Variants in FYCO1 observed in about 807,000 individuals in gnomAD.
The protein encoded by FYCO1 is FYVE and coiled-coil domain-containing protein 1.
FYCO1 carries 122 observed loss-of-function variants against 165.1 expected under a neutral mutation model. The observed-to-expected ratio is 0.74, with a 90% confidence interval of 0.64 to 0.86. The LOEUF (loss-of-function observed/expected upper bound fraction) is 0.86, where lower values mean the gene tolerates loss of function less well. Ranked by LOEUF, FYCO1 falls within the 40% of genes least tolerant of loss-of-function variation. FYCO1 has a pLI of 0.00. For missense variants in FYCO1, 1,702 were observed against 1,810.3 expected (o/e 0.94, Z 1.09); for synonymous variants, 648 against 742.5 (o/e 0.87, Z 2.07).
rs1705901304 is a variant in FYCO1 at position 45,964,791 on chromosome 3, G to T, written c.3150+242C>A. ...CCCACCCATTTCAGAATCACTGGCT[G>T]GCGATCACCCATAGAGATGGCCAAA... On this transcript the variant is annotated intron_variant, in intron 9 of 17. Coordinates refer to ENST00000296137, the MANE Select transcript of FYCO1 (RefSeq NM_024513.4). This position sits in a 1 kb window ranked among gnomAD's most constrained non-coding sequence, Gnocchi z 4.1. Among the ~76,000 whole-genome samples the T allele has an allele frequency of 6.6e-6, 1 of 152,182 alleles. No homozygotes were observed. Among genetic ancestry groups the T allele is most frequent in the Admixed American group, 6.5e-5 (1 of 15,272 alleles).
intron 12 of FYCO1, 23 bp from the exon 13 acceptor site, chr3:45,958,642 C>A (rs1234318842): frequency 1.2e-6 from 2 of 1,609,868 alleles, no homozygotes. Context: ...CAAGCCCAGG[C>A]TGTGAGGATG....
In FYCO1 at chr3:45,921,734, TG is replaced by T; in HGVS notation, c.*30del. On this transcript the variant is annotated 3_prime_UTR_variant, in exon 18 of 18. Coordinates refer to ENST00000296137, the MANE Select transcript of FYCO1 (RefSeq NM_024513.4). ...AGGTGAGGAAGAGCAGTGTTTCCTGTGGATGAAGTGAAGTTACTGAGGTGCT... is the reference window on the plus strand; with the variant it reads ...AGGTGAGGAAGAGCAGTGTTTCCTGTGATGAAGTGAAGTTACTGAGGTGCT... 7.1e-7 allele frequency: 1 copy of T among 1,404,054 alleles called. No individual in the cohort carries two copies. The highest frequency in any genetic ancestry group is 1.0e-6 in the Non-Finnish European group (1 of 988,038). 87.0% of individuals were successfully genotyped at this position (1,404,054 alleles called of 1,614,324 possible). A position where few individuals can be genotyped will look rare whatever the true frequency, so the allele number is the denominator to read the frequency against.
At chr3:45,963,900 G>A (rs1458561029) in intron 10 of FYCO1, among the ~76,000 whole-genome samples, 1 of 152,222 alleles carries the variant, frequency 6.6e-6, no homozygotes, top group Admixed American at 6.5e-5. Flanking sequence ...ATAAAATGGG[G>A]ATAGATGATA....
At position 45,965,138 on chromosome 3, in the gene FYCO1, A is replaced by T; in HGVS notation, c.3058-13T>A. 6.2e-7 allele frequency: 1 copy of T among 1,606,106 alleles called. No individual in the cohort carries two copies. The highest frequency in any genetic ancestry group is 1.3e-5 in the African/African-American group (1 of 74,932). On this transcript the variant is annotated splice_polypyrimidine_tract_variant and intron_variant, in intron 8 of 17. Coordinates refer to ENST00000296137, the MANE Select transcript of FYCO1 (RefSeq NM_024513.4). ...CTTCACCAGCATTCTAGAGAGGACA[A>T]GAAAGAAAGAGGACATAAAAGTAGG...
chr3:45,979,569 A>C, intron 4 of FYCO1, 136 bp downstream of exon 4: 234 of 1,031,778 alleles, frequency 2.3e-4, no homozygotes, highest in Middle Eastern at 3.2e-4. Context: ...GGCATTGCGT[A>C]TACCTGGACT....
chr3:45,927,029 G>T (rs114215618), intron 16 of FYCO1, among the ~76,000 whole-genome samples: 10 of 151,780 alleles, frequency 6.6e-5, no homozygotes, highest in Admixed American at 2.0e-4. Context: ...AAGTGCACTC[G>T]GCACATTCAC....
chr3:45,933,397 T>C (rs1406188365), intron 15 of FYCO1, among the ~76,000 whole-genome samples: 1 of 152,220 alleles, frequency 6.6e-6, no homozygotes, highest in African/African-American at 2.4e-5. Context: ...TCATTCTCCT[T>C]GCATTTTATT....
At chr3:45,944,927 A>T (rs188957275) in intron 14 of FYCO1, 1 of 152,320 alleles carries the variant, frequency 6.6e-6, no homozygotes. Context: ...GACCTACTTA[A>T]TACAGTGCCC....
intron 15 of FYCO1, among the ~76,000 whole-genome samples, chr3:45,932,316 C>T (rs931055702): frequency 3.9e-5 from 6 of 152,234 alleles, no homozygotes; most frequent in Non-Finnish European, 5.9e-5. Flanking sequence ...TCACTTTGAA[C>T]CTCGGTTTCT....
Position 45,967,449 on chromosome 3 carries a change from C to T in FYCO1, c.1885G>A (p.Val629Ile), listed in dbSNP as rs140700206. Residue 629 changes from valine to isoleucine, a missense_variant, in exon 8 of 18, where the codon GTC (valine) becomes ATC (isoleucine). Physicochemically the swap from Val to Ile is conservative, Grantham distance 29. Transcript: ENST00000296137. ...RELEKELQNV[V>I]GRNQLLEGKL... is the part of the protein sequence containing the mutation. ...CCCTCCAGGAGCTGGTTACGCCCGACCACATTCTGTAGCTCCTTCTCCAGC... is the reference window on the plus strand; with the variant it reads ...CCCTCCAGGAGCTGGTTACGCCCGATCACATTCTGTAGCTCCTTCTCCAGC... 9.3e-6 allele frequency: 15 copies of T among 1,613,506 alleles called. No homozygotes were observed. Among genetic ancestry groups the T allele is most frequent in the Non-Finnish European group, 4.2e-6 (5 of 1,180,022 alleles).
chr3:45,961,327 C>T (rs1705686557), intron 11 of FYCO1, among the ~76,000 whole-genome samples: 1 of 152,174 alleles, frequency 6.6e-6, no homozygotes, highest in Non-Finnish European at 1.5e-5. Context: ...TGCCTGTACT[C>T]CCAGGACTTG....
Position 45,944,114 on chromosome 3 carries a change from C to T in FYCO1, c.3945-7571G>A, listed in dbSNP as rs56336539. 1.9e-3 allele frequency among the ~76,000 whole-genome samples: 292 copies of T among 152,168 alleles called. 2 individuals are homozygous for T. Among genetic ancestry groups the T allele is most frequent in the Middle Eastern group, 0.017 (5 of 294 alleles). ...TTTATCATGAACTCTTATGTGAGGG[C>T]CCACAGAATACATGGCAGAAGGATT... On this transcript the variant is annotated intron_variant, in intron 14 of 17. Transcript: ENST00000296137.
Position 45,993,627 on chromosome 3 carries a change from A to C in FYCO1, c.-113+2095T>G, listed in dbSNP as rs1301263777. 2.0e-5 allele frequency among the ~76,000 whole-genome samples: 3 copies of C among 152,218 alleles called. No homozygotes were observed. The East Asian group carries it at 5.8e-4, about 29-fold the overall frequency. Reference sequence around the variant, plus strand: ...AACATAGCAGTCATGACGTGAGCAGATGTTGCCCTGACCATAATGGACTCA... The same window carrying C: ...AACATAGCAGTCATGACGTGAGCAGCTGTTGCCCTGACCATAATGGACTCA... On this transcript the variant is annotated intron_variant, in intron 1 of 17. Transcript: ENST00000296137. The surrounding 1 kb of genome is among the most constrained non-coding windows in gnomAD (Gnocchi z 4.4).
intron 2 of FYCO1, chr3:45,984,631 A>G (rs1032257704): frequency 3.0e-5 from 19 of 634,988 alleles, no homozygotes; most frequent in Non-Finnish European, 4.0e-5. Context: ...GATTTTGTTT[A>G]CAAACTGGCT....
In FYCO1 at chr3:45,993,231, C is replaced by T. The variant is rs138318620; in HGVS notation, c.-113+2491G>A. On this transcript the variant is annotated intron_variant, in intron 1 of 17. Coordinates refer to ENST00000296137, the MANE Select transcript of FYCO1 (RefSeq NM_024513.4). This position sits in a 1 kb window ranked among gnomAD's most constrained non-coding sequence, Gnocchi z 4.4. ...AGATCCAAGTGAACAGGAAGGACCA[C>T]TGGAAGTTACTAAAATCAACAGGTT... Among the ~76,000 whole-genome samples the T allele has an allele frequency of 1.8e-3, 274 of 152,318 alleles. No individual in the cohort carries two copies. Among genetic ancestry groups the T allele is most frequent in the African/African-American group, 6.2e-3 (259 of 41,564 alleles).
chr3:45,970,290 A>G (rs1401052475), intron 6 of FYCO1, among the ~76,000 whole-genome samples: 5 of 152,154 alleles, frequency 3.3e-5, no homozygotes, highest in Non-Finnish European at 7.4e-5. Context: ...TTGTGTGATA[A>G]CTCTCGTTTA....
At chr3:45,994,150 G>A (rs918357137) in intron 1 of FYCO1, among the ~76,000 whole-genome samples, 1 of 151,846 alleles carries the variant, frequency 6.6e-6, no homozygotes, top group South Asian at 2.1e-4. Context: ...GCCCCAAGGG[G>A]CAAAGGTCAT....
intron 13 of FYCO1, among the ~76,000 whole-genome samples, chr3:45,956,275 G>T (rs1163900000): frequency 6.6e-6 from 1 of 151,926 alleles, no homozygotes; most frequent in Non-Finnish European, 1.5e-5. Flanking sequence ...GGCAGAGGTT[G>T]CAGTGAGCCG....
At chr3:45,928,434 T>C (rs1703426875) in intron 16 of FYCO1, among the ~76,000 whole-genome samples, 1 of 152,174 alleles carries the variant, frequency 6.6e-6, no homozygotes, top group Non-Finnish European at 1.5e-5. Flanking sequence ...TGTACACTGG[T>C]AACCTGGTTC....
Sources: allele counts gnomAD v4.1 joint callset (sites outside exome capture counted in the v4.1 genomes callset), GRCh38; gene constraint gnomAD v4.1.1; non-coding constraint Gnocchi (gnomAD v3.1); transcripts MANE v1.5; gene names NCBI Gene and HGNC (gene_info 2026-07-23, HGNC 2026-07-21).